The following TOP3A variants were observed in gnomAD, a reference collection of about 807,000 sequenced individuals.
TOP3A encodes the protein DNA topoisomerase 3-alpha.
A neutral mutation model predicts 111.3 loss-of-function variants in TOP3A; 64 were observed. The observed-to-expected ratio is 0.57, with a 90% CI of 0.47 to 0.71. The LOEUF (loss-of-function observed/expected upper bound fraction) is 0.71, where lower values mean the gene tolerates loss of function less well. TOP3A is among the 30% of genes least tolerant of loss of function. The pLI, the probability that TOP3A is intolerant of heterozygous loss-of-function variation, is 0.00. For missense variants in TOP3A, 1,104 were observed against 1,285.0 expected (o/e 0.86, Z 2.15); for synonymous variants, 484 against 485.1 (o/e 1.00, Z 0.03).
In TOP3A at chr17:18,278,143, T is replaced by C. The variant is rs963512235; in HGVS notation, c.2359A>G (p.Arg787Gly). ...AGAGCCTTTGAGGACCCAGTCTGTC[T>C]GCTGTCAGCAGGCTGGGGGTGCTGG... ...NSQHPQPADS[R>G]QTGSSKALAQ... The change falls in exon 18 of 19, where the codon AGA (arginine) becomes GGA (glycine). Residue 787 changes from arginine to glycine, a missense_variant. Arg to Gly is a moderately radical substitution (Grantham distance 125). Coordinates refer to ENST00000321105, the MANE Select transcript of TOP3A (RefSeq NM_004618.5). The C allele has an allele frequency of 7.4e-6, 12 of 1,614,228 alleles. No individual in the cohort carries two copies. The highest frequency in any genetic ancestry group is 1.7e-5 in the Admixed American group (1 of 60,034).
At chr17:18,285,082 A>AG (rs1247840127) in intron 15 of TOP3A, 60 bp downstream of exon 15, 7 of 1,574,532 alleles carry the variant, frequency 4.4e-6, no homozygotes, top group Non-Finnish European at 6.1e-6. Context: ...TGAGGCCAGG[A>AG]GTTCAAGACC....
intron 9 of TOP3A, among the ~76,000 whole-genome samples, chr17:18,298,196 C>A (rs1391839260): frequency 1.3e-5 from 2 of 151,180 alleles, no homozygotes; most frequent in African/African-American, 4.9e-5. Flanking sequence ...GCAACCGCCC[C>A]GTCTGAGAAG....
chr17:18,311,446 A>G lies in TOP3A; in HGVS notation c.181-2505T>C, dbSNP rs369402907. Among the ~76,000 whole-genome samples the G allele has an allele frequency of 4.6e-5, 7 of 152,234 alleles. No individual in the cohort carries two copies. The South Asian group carries it at 1.0e-3, about 23-fold the overall frequency. ...GTAGCTGGGATTACAGGACCCCGCC[A>G]CCACACCTGGCTAATTTTTGTATTT... On this transcript the variant is annotated intron_variant, in intron 1 of 18. Coordinates refer to ENST00000321105, the MANE Select transcript of TOP3A (RefSeq NM_004618.5).
chr17:18,288,121 C>T (rs1037019023), intron 13 of TOP3A, among the ~76,000 whole-genome samples: 2 of 121,914 alleles, frequency 1.6e-5, no homozygotes, highest in Admixed American at 8.9e-5. Flanking sequence ...ATAAATAAAG[C>T]TGTTAATAAT....
At chr17:18,285,705 T>G (rs1980052341) in intron 13 of TOP3A, among the ~76,000 whole-genome samples, 185 bp from the exon 14 acceptor site, 1 of 152,182 alleles carries the variant, frequency 6.6e-6, no homozygotes, top group South Asian at 2.1e-4. Context: ...ACTCTCTTGT[T>G]CCCTCACATC....
Position 18,301,970 on chromosome 17 carries a change from T to G in TOP3A, c.830A>C (p.Lys277Thr). Residue 277 changes from lysine to threonine, a missense_variant, in exon 8 of 19, where the codon AAA becomes ACA. Physicochemically the swap from Lys to Thr is moderately conservative, Grantham distance 78 (BLOSUM62 -1). Coordinates refer to ENST00000321105, the MANE Select transcript of TOP3A (RefSeq NM_004618.5). ...CCAGTTGAATTCTACGATACCATCT[T>G]TGTGGTCATGAGTTACTATATTAAG... is the stretch of plus-strand genomic sequence containing the variant. ...FHRIKVTHDH[K>T]DGIVEFNWKR... The G allele has an allele frequency of 6.2e-7, 1 of 1,614,140 alleles. No individual in the cohort carries two copies. The highest frequency in any genetic ancestry group is 8.5e-7 in the Non-Finnish European group (1 of 1,179,982).
intron 13 of TOP3A, among the ~76,000 whole-genome samples, chr17:18,287,949 G>C (rs534781698): frequency 6.6e-6 from 1 of 151,058 alleles, no homozygotes; most frequent in Admixed American, 6.6e-5. Context: ...AGTGAGCAGA[G>C]ATTGTGCCAC....
Position 18,290,677 on chromosome 17 carries a change from C to A in TOP3A, c.1477G>T (p.Val493Phe). The stretch of plus-strand genomic sequence containing the variant: ...TGAAAGTGGGATCCTTGCTCATAGA[C>A]AGGGAGGATCTACAGGGAGCGGCAG... Reference protein sequence around the residue: ...YDHWSDKILPVYEQGSHFQPS... With the variant: ...YDHWSDKILPFYEQGSHFQPS... The change falls in exon 13 of 19, where the codon GTC (valine) becomes TTC (phenylalanine). Residue 493 changes from valine to phenylalanine, a missense_variant. Physicochemically the swap from Val to Phe is conservative, Grantham distance 50. Coordinates refer to ENST00000321105, the MANE Select transcript of TOP3A (RefSeq NM_004618.5). 1 of 1,601,170 alleles carries A rather than the reference C, an allele frequency of 6.2e-7. No homozygotes were observed. Among genetic ancestry groups the A allele is most frequent in the South Asian group, 1.1e-5 (1 of 89,614 alleles).
intron 11 of TOP3A, 147 bp from the exon 12 acceptor site, chr17:18,291,174 C>T: frequency 1.3e-6 from 1 of 793,064 alleles, no homozygotes; most frequent in Non-Finnish European, 1.9e-6. Context: ...GCCAGGCAAA[C>T]AAGTCCTGGG....
intron 4 of TOP3A, 200 bp downstream of exon 4, chr17:18,306,691 C>A: frequency 2.2e-6 from 1 of 460,864 alleles, no homozygotes. Context: ...TAAACAACTA[C>A]CATTCATAAA....
rs562280213 is a variant in TOP3A, at chr17:18,279,084, C to A, written c.2145-727G>T. On this transcript the variant is annotated intron_variant, in intron 17 of 18. Coordinates refer to ENST00000321105, the MANE Select transcript of TOP3A (RefSeq NM_004618.5). ...ATGCAATGACTCAGCAGGCTGACTG[C>A]AGAAGCAGATACGGGAATCCAGCTC... Among the ~76,000 whole-genome samples the A allele has an allele frequency of 1.2e-4, 18 of 152,292 alleles. No homozygotes were observed. In the South Asian group the frequency reaches 3.7e-3, roughly 32 times the overall value.
At chr17:18,310,960 A>C (rs928089588) in intron 1 of TOP3A, among the ~76,000 whole-genome samples, 11 of 151,922 alleles carry the variant, frequency 7.2e-5, no homozygotes, top group African/African-American at 2.7e-4. Flanking sequence ...TGCCTGGTAA[A>C]ACTTTCAGGC....
intron 18 of TOP3A, 104 bp from the exon 19 acceptor site, chr17:18,275,084 T>C: frequency 6.8e-7 from 1 of 1,461,398 alleles, no homozygotes; most frequent in Non-Finnish European, 9.2e-7. Context: ...TTTAGGAAGC[T>C]GAGGGAGGAG....
intron 18 of TOP3A, among the ~76,000 whole-genome samples, chr17:18,276,637 T>C (rs1187970253): frequency 6.6e-6 from 1 of 152,248 alleles, no homozygotes; most frequent in Non-Finnish European, 1.5e-5. Context: ...TGTTCAAGGT[T>C]ATACTGCTGA....
In TOP3A at chr17:18,291,170, C is replaced by G. The variant is rs965085003; in HGVS notation, c.1282-143G>C. 12 of 798,770 alleles carry G rather than the reference C, an allele frequency of 1.5e-5. No homozygotes were observed. In the African/African-American group the frequency reaches 1.7e-4, roughly 12 times the overall value. The allele number at this position is 798,770 out of a possible 1,614,324, so 49.5% of individuals were successfully genotyped here. A position where few individuals can be genotyped will look rare whatever the true frequency, so the allele number is the denominator to read the frequency against. On this transcript the variant is annotated intron_variant, in intron 11 of 18. Transcript: ENST00000321105. ...CCCTGCACTAACATGGAGTGCCAGGCAAACAAGTCCTGGGGAGAGGATGGG... is the reference window on the plus strand; with the variant it reads ...CCCTGCACTAACATGGAGTGCCAGGGAAACAAGTCCTGGGGAGAGGATGGG...
At chr17:18,290,532 C>A in intron 13 of TOP3A, 25 bp downstream of exon 13, 1 of 1,536,246 alleles carries the variant, frequency 6.5e-7, no homozygotes, top group South Asian at 1.3e-5. Context: ...TCAAGAGATG[C>A]GAGTTACCCA....
chr17:18,306,794 A>T, intron 4 of TOP3A, 97 bp downstream of exon 4: 1 of 833,832 alleles, frequency 1.2e-6, no homozygotes, highest in Non-Finnish European at 2.0e-6. Context: ...TTGGTGGAAA[A>T]CCTTATCTCC....
At position 18,301,967 on chromosome 17, in the gene TOP3A, T is replaced by C. The variant is rs1216916334; in HGVS notation, c.833A>G (p.Asp278Gly). Reference protein sequence around the residue: ...HRIKVTHDHKDGIVEFNWKRH... With the variant: ...HRIKVTHDHKGGIVEFNWKRH... Reference sequence around the variant, plus strand: ...TTTCCAGTTGAATTCTACGATACCATCTTTGTGGTCATGAGTTACTATATT... The same window carrying C: ...TTTCCAGTTGAATTCTACGATACCACCTTTGTGGTCATGAGTTACTATATT... Residue 278 changes from aspartate (D) to glycine (G), a missense_variant, in exon 8 of 19, where the codon GAT (aspartate) becomes GGT (glycine). Coordinates refer to ENST00000321105, the MANE Select transcript of TOP3A (RefSeq NM_004618.5). 4.3e-6 allele frequency: 7 copies of C among 1,614,010 alleles called. No individual in the cohort carries two copies. The highest frequency in any genetic ancestry group is 1.7e-5 in the Admixed American group (1 of 60,006).
Position 18,302,694 on chromosome 17 carries a change from G to A in TOP3A, c.529C>T (p.Arg177Ter), listed in dbSNP as rs200150335. The A allele has an allele frequency of 5.1e-5, 83 of 1,613,830 alleles. No homozygotes were observed. Among genetic ancestry groups the A allele is most frequent in the Non-Finnish European group, 6.5e-5 (77 of 1,179,946 alleles). The change falls in exon 6 of 19, where the codon CGA (arginine) becomes TGA (stop). Residue 177 changes from arginine (R) to a stop codon, truncating the protein, a stop_gained. Transcript: ENST00000321105. LOFTEE classifies it high-confidence loss of function. ...GCATGGGGTGTGATCTCAGAGAATC[G>A]GGCTCGCAACACCTGCAGATTGGGC... ...VKPNLQVLRA[R>*]FSEITPHAVR...
Sources: gnomAD v4.1 joint callset for allele counts (sites outside exome capture counted in the v4.1 genomes callset) on GRCh38, gnomAD v4.1.1 for gene constraint, MANE v1.5 for transcripts, NCBI Gene and HGNC (gene_info 2026-07-23, HGNC 2026-07-21) for gene names.